CNTN6: variants seen among roughly 807,000 people sequenced by gnomAD.
CNTN6 encodes contactin-6.
CNTN6 carries 137 observed loss-of-function variants against 122.8 expected under a neutral mutation model. The ratio of observed to expected loss-of-function variants is 1.12; its 90% CI spans 0.97 to 1.29. CNTN6 has a LOEUF of 1.29. Ranked by LOEUF, CNTN6 falls within the 50% of genes most tolerant of loss-of-function variation. The pLI, the probability that CNTN6 is intolerant of heterozygous loss-of-function variation, is 0.00. For missense variants in CNTN6, 1,634 were observed against 1,223.4 expected, an observed-to-expected ratio of 1.34 and a Z score of -5.01; for synonymous variants, 570 against 426.0, an observed-to-expected ratio of 1.34 and a Z score of -4.16.
intron 14 of CNTN6, among the ~76,000 whole-genome samples, chr3:1,373,199 C>T (rs1055326363): frequency 7.2e-5 from 11 of 152,104 alleles, no homozygotes; most frequent in African/African-American, 2.4e-4. Context: ...GCTTGGCAAG[C>T]GGTGTCAGTA....
chr3:1,398,723 A>G (rs956990605), intron 20 of CNTN6, among the ~76,000 whole-genome samples: 5 of 152,124 alleles, frequency 3.3e-5, no homozygotes, highest in African/African-American at 1.2e-4. Flanking sequence ...TCATTTTATA[A>G]TGGGAAAATC....
chr3:1,322,955 C>T (rs772975331), intron 8 of CNTN6, among the ~76,000 whole-genome samples: 1 of 151,408 alleles, frequency 6.6e-6, no homozygotes, highest in Non-Finnish European at 1.5e-5. Flanking sequence ...AAATAGGATA[C>T]AAATGGGAGT....
rs1553610778 is a variant in CNTN6, at chr3:1,158,969, C to CACACATATATAT, written c.55+10907_55+10908insCACATATATATA. 3.1e-4 allele frequency among the ~76,000 whole-genome samples: 35 copies of CACACATATATAT among 112,958 alleles called. 2 individuals carry two copies. Among genetic ancestry groups the CACACATATATAT allele is most frequent in the Middle Eastern group, 3.9e-3 (1 of 254 alleles). The allele number at this position is 112,958 out of a possible 152,430, so 74.1% of individuals were successfully genotyped here. A position where few individuals can be genotyped will look rare whatever the true frequency, so the allele number is the denominator to read the frequency against. Reference sequence around the variant, plus strand: ...ATATATATATACACACACACACACACATATATATATATATAGACAAGGTCT... The same window carrying CACACATATATAT: ...ATATATATATACACACACACACACACACACATATATATATATATATATATATAGACAAGGTCT... On this transcript the variant is annotated intron_variant, in intron 2 of 22. Coordinates refer to ENST00000446702, the MANE Select transcript of CNTN6 (RefSeq NM_001289080.2).
intron 9 of CNTN6, 43 bp from the exon 10 acceptor site, chr3:1,327,414 A>C (rs748752233): frequency 1.9e-6 from 3 of 1,578,990 alleles, no homozygotes; most frequent in Admixed American, 3.4e-5. Flanking sequence ...AGAGAATGCT[A>C]TATTAACGTA....
chr3:1,255,496 G>T (rs2094741723), intron 4 of CNTN6, among the ~76,000 whole-genome samples: 1 of 151,974 alleles, frequency 6.6e-6, no homozygotes, highest in South Asian at 2.1e-4. Context: ...GTCAGTAAAA[G>T]CTGGAGAAAT....
intron 5 of CNTN6, 32 bp from the exon 6 acceptor site, chr3:1,295,569 T>C (rs551431341): frequency 1.3e-6 from 2 of 1,549,962 alleles, no homozygotes; most frequent in East Asian, 4.5e-5. Flanking sequence ...AGTATGGTTT[T>C]GTTTTGTTTT....
At chr3:1,332,495 A>AAAAG (rs376354688) in intron 11 of CNTN6, among the ~76,000 whole-genome samples, 1 of 118,552 alleles carries the variant, frequency 8.4e-6, no homozygotes, top group Admixed American at 9.3e-5. Flanking sequence ...AGGAAGGAAA[A>AAAAG]AAGGAAGGAA....
At chr3:1,122,070 A>G (rs1254472811) in intron 1 of CNTN6, among the ~76,000 whole-genome samples, 3 of 151,948 alleles carry the variant, frequency 2.0e-5, no homozygotes, top group African/African-American at 4.8e-5. Context: ...TTTCATGAAG[A>G]TTAAATGAAT....
chr3:1,107,615 A>C (rs1277760541), intron 1 of CNTN6, among the ~76,000 whole-genome samples: 1 of 152,126 alleles, frequency 6.6e-6, no homozygotes, highest in African/African-American at 2.4e-5. Flanking sequence ...AGGGTGACAA[A>C]AGCTGAACAG....
intron 1 of CNTN6, among the ~76,000 whole-genome samples, chr3:1,102,332 C>T (rs1341039453): frequency 6.6e-6 from 1 of 152,192 alleles, no homozygotes. Flanking sequence ...ATTTTCCTCT[C>T]TGGCATCTAT....
intron 2 of CNTN6, among the ~76,000 whole-genome samples, chr3:1,169,901 T>C (rs1047236183): frequency 7.9e-5 from 12 of 152,204 alleles, no homozygotes; most frequent in Admixed American, 5.9e-4. Context: ...TCAAGTGATA[T>C]GGGTGGCCCA....
chr3:1,270,486 C>T (rs1160456428), intron 4 of CNTN6, among the ~76,000 whole-genome samples: 2 of 152,192 alleles, frequency 1.3e-5, no homozygotes, highest in Non-Finnish European at 2.9e-5. Flanking sequence ...CACCATTTCT[C>T]TTTTGCTGGG....
At chr3:1,145,158 C>T (rs1038271510) in intron 1 of CNTN6, among the ~76,000 whole-genome samples, 8 of 152,040 alleles carry the variant, frequency 5.3e-5, no homozygotes, top group African/African-American at 1.7e-4. Flanking sequence ...TGCAAACTTT[C>T]GTCAAGATAA....
At chr3:1,318,215 C>A (rs1700381096) in intron 7 of CNTN6, among the ~76,000 whole-genome samples, 1 of 151,710 alleles carries the variant, frequency 6.6e-6, no homozygotes, top group South Asian at 2.1e-4. Context: ...TCTTGCGTTT[C>A]TTGCCTTTTG....
intron 7 of CNTN6, among the ~76,000 whole-genome samples, chr3:1,306,038 G>A (rs1340884108): frequency 6.6e-6 from 1 of 152,236 alleles, no homozygotes; most frequent in South Asian, 2.1e-4. Flanking sequence ...TTTAAATCAA[G>A]CTAGGCACAC....
intron 7 of CNTN6, among the ~76,000 whole-genome samples, chr3:1,313,036 TCTTTA>T (rs770107929): frequency 2.0e-5 from 3 of 152,052 alleles, no homozygotes; most frequent in South Asian, 2.1e-4. Context: ...CATTTCAGTC[TCTTTA>T]CTTCTTTATA....
chr3:1,326,555 T>C (rs944075563), intron 9 of CNTN6, among the ~76,000 whole-genome samples: 1 of 151,862 alleles, frequency 6.6e-6, no homozygotes, highest in Non-Finnish European at 1.5e-5. Context: ...AGTAAATAAC[T>C]AAGGCAGTTA....
At chr3:1,402,187 C>T (rs1278398105) in intron 21 of CNTN6, 131 bp from the exon 22 acceptor site, 2 of 625,008 alleles carry the variant, frequency 3.2e-6, no homozygotes, top group African/African-American at 1.9e-5. Flanking sequence ...AAAGACATCA[C>T]TTGGATATTT....
chr3:1,291,629 A>G (rs1024816107), intron 5 of CNTN6, among the ~76,000 whole-genome samples: 1 of 152,240 alleles, frequency 6.6e-6, no homozygotes, highest in East Asian at 1.9e-4. Context: ...GGAGTCAATG[A>G]CAACAGGGGA....
Sources: allele counts gnomAD v4.1 joint callset (sites outside exome capture counted in the v4.1 genomes callset), GRCh38; gene constraint gnomAD v4.1.1; transcripts MANE v1.5; gene names NCBI Gene and HGNC (gene_info 2026-07-23, HGNC 2026-07-21).